Variants in ABCA3 observed in about 807,000 individuals in gnomAD.
ABCA3 encodes the protein ATP binding cassette subfamily A member 3.
A neutral mutation model predicts 172.8 loss-of-function variants in ABCA3; 88 were observed. The observed-to-expected ratio is 0.51, with a 90% confidence interval of 0.43 to 0.61. ABCA3 has a LOEUF of 0.61. Among genes scored for constraint, ABCA3 ranks in the 20% least tolerant of loss-of-function variants. The pLI, the probability that ABCA3 is intolerant of heterozygous loss-of-function variation, is 0.00. For synonymous variants in ABCA3, 1,066 were observed against 983.8 expected, an observed-to-expected ratio of 1.08 and a Z score of -1.56; for missense variants, 2,164 against 2,301.0, an observed-to-expected ratio of 0.94 and a Z score of 1.22.
rs778181198 is a variant in ABCA3, at chr16:2,277,964, G to T, written c.4824C>A (p.Gly1608=). ...PQHLKSKFGS[G]YSLRAKVQSE... ...TCTGCACCTTGGCCCGCAGGGAGTA[G>T]CCGCTGCCGAACTTGCTCTTGAGGT... Residue 1608 remains glycine (G), a synonymous_variant, in exon 31 of 33, where the codon GGC becomes GGA. Coordinates refer to ENST00000301732, the MANE Select transcript of ABCA3 (RefSeq NM_001089.3). The surrounding 1 kb of genome is among the most constrained non-coding windows in gnomAD (Gnocchi z 5.3). 6 of 1,612,720 alleles carry T rather than the reference G, an allele frequency of 3.7e-6. No individual in the cohort carries two copies. Among genetic ancestry groups the T allele is most frequent in the Middle Eastern group, 1.7e-4 (1 of 5,756 alleles).
Position 2,297,911 on chromosome 16 carries a change from AG to A in ABCA3, c.1906del (p.Leu636CysfsTer30). ...TTCTTCAGGGCACTTCTGACGTGAC[AG>A]GCCCTTCAGCTGCAACGACAGGGGA... Reference protein sequence around the residue: ...HLYFYAQLKGLSRQKCPEEVK... With the variant: ...HLYFYAQLKGXSRQKCPEEVK... On this transcript the variant is annotated frameshift_variant, in exon 16 of 33. Coordinates refer to ENST00000301732, the MANE Select transcript of ABCA3 (RefSeq NM_001089.3). LOFTEE classifies it high-confidence loss of function. This position sits in a 1 kb window ranked among gnomAD's most constrained non-coding sequence, Gnocchi z 5.6. The A allele has an allele frequency of 1.2e-6, 2 of 1,613,692 alleles. No homozygotes were observed. The highest frequency in any genetic ancestry group is 1.7e-6 in the Non-Finnish European group (2 of 1,180,032).
In ABCA3 at chr16:2,281,033, G is replaced by A. The variant is rs767302159; in HGVS notation, c.4353C>T (p.Val1451=). 1.7e-5 allele frequency: 27 copies of A among 1,613,784 alleles called. No individual in the cohort carries two copies. In the East Asian group the frequency reaches 3.3e-4, roughly 20 times the overall value. The change falls in exon 28 of 33, where the codon GTC becomes GTT. Residue 1451 remains valine (V), a synonymous_variant. Transcript: ENST00000301732. This position sits in a 1 kb window ranked among gnomAD's most constrained non-coding sequence, Gnocchi z 4.7. ...FVGGHRISSD[V]GKVRQRIGYC... ...CCTCCCTGGCTGCACCCACCTTTCC[G>A]ACATCAGAGCTGATTCTGTGACCCC...
chr16:2,289,336 T>A, intron 20 of ABCA3, 98 bp downstream of exon 20: 1 of 1,446,198 alleles, frequency 6.9e-7, no homozygotes, highest in Non-Finnish European at 9.3e-7. Context: ...CGGACCCTGT[T>A]TGCGCCCTCG....
intron 18 of ABCA3, among the ~76,000 whole-genome samples, chr16:2,295,310 T>G (rs1187740060): frequency 2.0e-5 from 3 of 151,762 alleles, no homozygotes; most frequent in Admixed American, 6.6e-5. Context: ...GAAGGGGGAG[T>G]GTGAGCCCTG....
intron 10 of ABCA3, among the ~76,000 whole-genome samples, chr16:2,316,427 T>C (rs1282745170): frequency 1.4e-5 from 2 of 140,170 alleles, no homozygotes; most frequent in African/African-American, 5.4e-5. Context: ...TATGGATCGC[T>C]TGAGGTCAGG....
At chr16:2,302,960 T>G (rs2093691837) in intron 12 of ABCA3, among the ~76,000 whole-genome samples, 1 of 151,856 alleles carries the variant, frequency 6.6e-6, no homozygotes, top group East Asian at 1.9e-4. Context: ...CAGCTAATTT[T>G]TTTTTTTTGT....
At chr16:2,299,984 T>C (rs1377532764) in intron 13 of ABCA3, 21 bp downstream of exon 13, 8 of 1,612,070 alleles carry the variant, frequency 5.0e-6, no homozygotes, top group Non-Finnish European at 6.8e-6. Flanking sequence ...CGGCCCTCCC[T>C]GTCCCCACAG....
At chr16:2,299,964 C>G (rs2093686325) in intron 13 of ABCA3, 41 bp downstream of exon 13, 1 of 1,609,288 alleles carries the variant, frequency 6.2e-7, no homozygotes, top group Admixed American at 1.7e-5. Context: ...TCCCATGGTC[C>G]TGGCAGCCCC....
At chr16:2,306,197 G>A (rs941075955) in intron 11 of ABCA3, among the ~76,000 whole-genome samples, 5 of 152,080 alleles carry the variant, frequency 3.3e-5, no homozygotes, top group Non-Finnish European at 7.4e-5. Flanking sequence ...GTGGTGGCAC[G>A]TGCCTGTAGT....
intron 7 of ABCA3, among the ~76,000 whole-genome samples, chr16:2,322,265 G>C (rs1301558690): frequency 6.6e-6 from 1 of 151,612 alleles, no homozygotes; most frequent in Non-Finnish European, 1.5e-5. Flanking sequence ...CCAGGATATA[G>C]AGAAAGGGCC....
At chr16:2,291,026 T>C (rs1005632391) in intron 19 of ABCA3, among the ~76,000 whole-genome samples, 2 of 151,732 alleles carry the variant, frequency 1.3e-5, no homozygotes, top group Non-Finnish European at 2.9e-5. Flanking sequence ...TGTGCCACCA[T>C]GCCCGGCTAA....
chr16:2,323,292 A>G, intron 7 of ABCA3: 1 of 599,142 alleles, frequency 1.7e-6, no homozygotes, highest in Non-Finnish European at 3.0e-6. Context: ...TGACCCAGCC[A>G]TCCCATTACT....
Position 2,328,477 on chromosome 16 carries a change from G to C in ABCA3, c.-51C>G. On this transcript the variant is annotated 5_prime_UTR_variant, in exon 3 of 33. Transcript: ENST00000301732. Reference sequence around the variant, plus strand: ...CCTGCTAGAGAAGTAGGTGGTCTGAGTAAGTTCAAGTAGGCGCTGCAACCC... The same window carrying C: ...CCTGCTAGAGAAGTAGGTGGTCTGACTAAGTTCAAGTAGGCGCTGCAACCC... 2.0e-6 allele frequency: 1 copy of C among 509,746 alleles called. No homozygotes were observed. Among genetic ancestry groups the C allele is most frequent in the South Asian group, 1.4e-5 (1 of 69,414 alleles). 31.6% of individuals were successfully genotyped at this position (509,746 alleles called of 1,614,324 possible).
rs969005622 is a variant in ABCA3 at position 2,284,748 on chromosome 16, T to C, written c.3703+31A>G. On this transcript the variant is annotated intron_variant, in intron 24 of 32. Transcript: ENST00000301732. The surrounding 1 kb of genome is among the most constrained non-coding windows in gnomAD (Gnocchi z 5.9). ...GGCGGAGTGGCTCCGTGGATGGCCA[T>C]GGGGGCTGCGGGTGGTCTCCAGGTG... The C allele has an allele frequency of 8.1e-6, 13 of 1,603,346 alleles. No homozygotes were observed. The highest frequency in any genetic ancestry group is 5.1e-5 in the Admixed American group (3 of 58,810).
rs7188263 is a variant in ABCA3 at position 2,279,170 on chromosome 16, G to A, written c.4360-40C>T. The A allele has an allele frequency of 3.1e-3, 4,957 of 1,602,662 alleles. 153 individuals are homozygous for A. The African/African-American group carries it at 0.057, about 18-fold the overall frequency. ...TAGCCGGGGAGGGAGGCGGGTTGGA[G>A]GGAAGCCTCCTTCCTCCAGAGGACC... is the stretch of plus-strand genomic sequence containing the variant. On this transcript the variant is annotated intron_variant, in intron 28 of 32. Transcript: ENST00000301732. This position sits in a 1 kb window ranked among gnomAD's most constrained non-coding sequence, Gnocchi z 4.4.
chr16:2,297,925 C>G lies in ABCA3; in HGVS notation c.1897-4G>C. 4.3e-6 allele frequency: 7 copies of G among 1,613,600 alleles called. No homozygotes were observed. The highest frequency in any genetic ancestry group is 5.9e-6 in the Non-Finnish European group (7 of 1,180,026). ...TCTGACGTGACAGGCCCTTCAGCTG[C>G]AACGACAGGGGACGCAGGGAGATGC... On this transcript the variant is annotated splice_region_variant and splice_polypyrimidine_tract_variant and intron_variant, in intron 15 of 32. Coordinates refer to ENST00000301732, the MANE Select transcript of ABCA3 (RefSeq NM_001089.3). The surrounding 1 kb of genome is among the most constrained non-coding windows in gnomAD (Gnocchi z 5.6).
At chr16:2,332,232 TC>T in intron 1 of ABCA3, 1 of 439,242 alleles carries the variant, frequency 2.3e-6, no homozygotes, top group Non-Finnish European at 4.1e-6. Flanking sequence ...CTCCTCCATT[TC>T]TTTTTTTTTT....
At chr16:2,299,332 C>G in intron 14 of ABCA3, 71 bp downstream of exon 14, 1 of 1,597,726 alleles carries the variant, frequency 6.3e-7, no homozygotes, top group Non-Finnish European at 8.5e-7. Context: ...GGGAGTGAGG[C>G]GGGGCTGGCG....
chr16:2,325,964 T>G (rs1285607555), intron 5 of ABCA3, 46 bp downstream of exon 5: 19 of 1,609,712 alleles, frequency 1.2e-5, no homozygotes, highest in Middle Eastern at 1.8e-4. Flanking sequence ...CCCAGCCGCG[T>G]GGAGGCACCA....
Sources: allele counts gnomAD v4.1 joint callset (sites outside exome capture counted in the v4.1 genomes callset), GRCh38; gene constraint gnomAD v4.1.1; non-coding constraint Gnocchi (gnomAD v3.1); transcripts MANE v1.5; gene names NCBI Gene and HGNC (gene_info 2026-07-23, HGNC 2026-07-21).